Variants in DNAAF11 observed in about 807,000 individuals in gnomAD.
DNAAF11 encodes the protein leucine rich repeat containing 6.
DNAAF11 carries 45 observed loss-of-function variants against 60.8 expected under a neutral mutation model. That is an observed-to-expected ratio of 0.74 (90% CI 0.58 to 0.95). The LOEUF (loss-of-function observed/expected upper bound fraction) is 0.95. Ranked by LOEUF, DNAAF11 falls within the 40% of genes least tolerant of loss-of-function variation. DNAAF11 has a pLI of 0.00. For missense variants in DNAAF11, 546 were observed against 546.2 expected, an observed-to-expected ratio of 1.00 and a Z score of 0.00; for synonymous variants, 191 against 183.5, an observed-to-expected ratio of 1.04 and a Z score of -0.33.
At chr8:132,585,692 ACTT>A (rs1211310178) in intron 10 of DNAAF11, among the ~76,000 whole-genome samples, 1 of 152,238 alleles carries the variant, frequency 6.6e-6, no homozygotes, top group African/African-American at 2.4e-5. Flanking sequence ...AACAATGTTT[ACTT>A]CTTCAATAGA....
intron 3 of DNAAF11, among the ~76,000 whole-genome samples, chr8:132,639,857 A>T (rs1166116313): frequency 6.8e-6 from 1 of 146,470 alleles, no homozygotes; most frequent in African/African-American, 2.5e-5. Flanking sequence ...ATAAACTGAT[A>T]AAAAAAAAAA....
chr8:132,665,864 G>A (rs982986583), intron 1 of DNAAF11, among the ~76,000 whole-genome samples: 3 of 152,154 alleles, frequency 2.0e-5, no homozygotes, highest in South Asian at 2.1e-4. Flanking sequence ...CATCAACAGC[G>A]GATTGGATAG....
At chr8:132,600,006 T>C (rs1009007852) in intron 10 of DNAAF11, among the ~76,000 whole-genome samples, 3 of 152,202 alleles carry the variant, frequency 2.0e-5, no homozygotes, top group African/African-American at 4.8e-5. Flanking sequence ...GATAACATGA[T>C]TGTATATTTA....
At chr8:132,590,322 G>GA (rs575136336) in intron 10 of DNAAF11, among the ~76,000 whole-genome samples, 8 of 152,218 alleles carry the variant, frequency 5.3e-5, no homozygotes, top group Non-Finnish European at 1.0e-4. Flanking sequence ...GCCCAAGAGG[G>GA]TTACTGCAGT....
At chr8:132,595,927 TAAG>T (rs1423659636) in intron 10 of DNAAF11, among the ~76,000 whole-genome samples, 1 of 152,038 alleles carries the variant, frequency 6.6e-6, no homozygotes, top group Non-Finnish European at 1.5e-5. Flanking sequence ...GAGGTGGTGT[TAAG>T]AAACTGAATT....
upstream of DNAAF11, among the ~76,000 whole-genome samples, chr8:132,677,739 TA>T (rs1276485449): frequency 1.3e-5 from 2 of 152,000 alleles, no homozygotes; most frequent in African/African-American, 2.4e-5. Flanking sequence ...ACTCTGTGTC[TA>T]AAAAAATCGG....
the DNAAF11 span, among the ~76,000 whole-genome samples, chr8:132,686,786 G>A: frequency 6.6e-6 from 1 of 152,206 alleles, no homozygotes; most frequent in East Asian, 1.9e-4. Context: ...TTCCTGAAAT[G>A]AAGATTGAAG....
chr8:132,614,911 A>G, intron 8 of DNAAF11, 127 bp downstream of exon 8: 1 of 552,436 alleles, frequency 1.8e-6, no homozygotes, highest in African/African-American at 1.9e-5. Flanking sequence ...CTCTGTCTTA[A>G]CAAATAAGCT....
At chr8:132,645,610 T>C (rs1426103171) in intron 3 of DNAAF11, among the ~76,000 whole-genome samples, 1 of 151,736 alleles carries the variant, frequency 6.6e-6, no homozygotes, top group Non-Finnish European at 1.5e-5. Context: ...AATAGACAAA[T>C]GGCTAACTAG....
chr8:132,621,831 C>T (rs536101043), intron 7 of DNAAF11, among the ~76,000 whole-genome samples: 1 of 152,270 alleles, frequency 6.6e-6, no homozygotes, highest in South Asian at 2.1e-4. Context: ...CTCCACCTCT[C>T]TCAGGCCCAG....
intron 10 of DNAAF11, among the ~76,000 whole-genome samples, chr8:132,595,068 T>G (rs1382933930): frequency 6.6e-6 from 1 of 152,102 alleles, no homozygotes; most frequent in African/African-American, 2.4e-5. Flanking sequence ...CCCAGCTATG[T>G]GGAACTGTGA....
At chr8:132,586,949 T>G (rs1453130214) in intron 10 of DNAAF11, among the ~76,000 whole-genome samples, 1 of 152,154 alleles carries the variant, frequency 6.6e-6, no homozygotes, top group African/African-American at 2.4e-5. Context: ...TTTAAATTTC[T>G]TAATATTTTA....
chr8:132,588,690 T>C (rs575667478), intron 10 of DNAAF11, among the ~76,000 whole-genome samples: 1 of 151,124 alleles, frequency 6.6e-6, no homozygotes, highest in African/African-American at 2.4e-5. Flanking sequence ...TTTAATCTGT[T>C]CTCACATTGC....
intron 3 of DNAAF11, among the ~76,000 whole-genome samples, chr8:132,647,953 C>T (rs562457656): frequency 2.3e-4 from 35 of 152,312 alleles, no homozygotes; most frequent in African/African-American, 7.9e-4. Context: ...GGTACCATTC[C>T]TTCTGAAACT....
At chr8:132,606,546 C>T (rs969195166) in intron 10 of DNAAF11, among the ~76,000 whole-genome samples, 1 of 152,208 alleles carries the variant, frequency 6.6e-6, no homozygotes, top group Admixed American at 6.5e-5. Flanking sequence ...ACAATCAATG[C>T]AGCCTCGATG....
intron 11 of DNAAF11, among the ~76,000 whole-genome samples, chr8:132,575,740 T>G (rs1323385312): frequency 6.6e-6 from 1 of 152,134 alleles, no homozygotes; most frequent in Non-Finnish European, 1.5e-5. Context: ...GAGGTAACAC[T>G]GACAAAAGGT....
chr8:132,631,642 C>T (rs932523293), intron 5 of DNAAF11, among the ~76,000 whole-genome samples: 2 of 152,052 alleles, frequency 1.3e-5, no homozygotes, highest in African/African-American at 2.4e-5. Flanking sequence ...GGATAGCAGA[C>T]GCCACTGGGA....
At chr8:132,631,317 G>GC (rs1195178859) in intron 5 of DNAAF11, among the ~76,000 whole-genome samples, 1 of 152,158 alleles carries the variant, frequency 6.6e-6, no homozygotes, top group African/African-American at 2.4e-5. Context: ...TGTTGTTAGA[G>GC]CCGCTGCACA....
chr8:132,666,100 C>T (rs1387168467), intron 1 of DNAAF11, among the ~76,000 whole-genome samples: 1 of 152,030 alleles, frequency 6.6e-6, no homozygotes, highest in Non-Finnish European at 1.5e-5. Flanking sequence ...CCAAAATGGG[C>T]GAAGGAGGGG....
Sources: gnomAD v4.1 joint callset for allele counts (sites outside exome capture counted in the v4.1 genomes callset) on GRCh38, gnomAD v4.1.1 for gene constraint, MANE v1.5 for transcripts, NCBI Gene and HGNC (gene_info 2026-07-23, HGNC 2026-07-21) for gene names.